Variants in NRF1 observed in about 807,000 individuals in gnomAD.
The protein encoded by NRF1 is nuclear respiratory factor 1, also known as alpha palindromic-binding protein.
NRF1 carries 5 observed loss-of-function variants against 58.5 expected under a neutral mutation model. The observed-to-expected ratio is 0.09, with a 90% confidence interval of 0.04 to 0.18. The LOEUF is 0.18. NRF1 is among the 10% of genes least tolerant of loss of function. The probability of loss-of-function intolerance (pLI) is 1.00; values close to 1 mark genes in which losing one functional copy is unlikely to be tolerated. For synonymous variants in NRF1, 224 were observed against 246.7 expected (o/e 0.91, Z 0.86); for missense variants, 288 against 657.7 (o/e 0.44, Z 6.15).
chr7:129,692,644 T>C (rs983690318), intron 5 of NRF1, among the ~76,000 whole-genome samples: 1 of 152,208 alleles, frequency 6.6e-6, no homozygotes, highest in African/African-American at 2.4e-5. Context: ...AGCCCTGTAA[T>C]GGTTTTCCAC....
At chr7:129,747,576 C>G (rs977432417) in intron 10 of NRF1, among the ~76,000 whole-genome samples, 4 of 152,158 alleles carry the variant, frequency 2.6e-5, no homozygotes, top group African/African-American at 9.7e-5. Context: ...GTGCCAAGCA[C>G]TGTAATAGAT....
At chr7:129,730,241 T>A (rs948022585) in intron 10 of NRF1, among the ~76,000 whole-genome samples, 2 of 152,090 alleles carry the variant, frequency 1.3e-5, no homozygotes, top group African/African-American at 2.4e-5. Context: ...CTCTGGCTGG[T>A]CTCAAACTCT....
At chr7:129,646,533 A>G (rs1025873446) in intron 1 of NRF1, among the ~76,000 whole-genome samples, 2 of 152,156 alleles carry the variant, frequency 1.3e-5, no homozygotes, top group African/African-American at 4.8e-5. Flanking sequence ...CTGGAAGCTC[A>G]GAGAGGTCCT....
chr7:129,730,377 A>G (rs1470330139), intron 10 of NRF1, among the ~76,000 whole-genome samples: 1 of 152,150 alleles, frequency 6.6e-6, no homozygotes, highest in Non-Finnish European at 1.5e-5. Context: ...GAACCAGATG[A>G]TAGCAGAACA....
At chr7:129,700,513 T>C (rs1375368692) in intron 5 of NRF1, among the ~76,000 whole-genome samples, 2 of 152,214 alleles carry the variant, frequency 1.3e-5, no homozygotes, top group Non-Finnish European at 2.9e-5. Flanking sequence ...TTCTCCATAC[T>C]GTAGTGTCAG....
chr7:129,625,898 G>C (rs1053279455), intron 1 of NRF1, among the ~76,000 whole-genome samples: 2 of 152,046 alleles, frequency 1.3e-5, no homozygotes, highest in South Asian at 2.1e-4. Context: ...TAGCCAGGAT[G>C]GTCTTGATTT....
chr7:129,731,271 G>GAA (rs10708899), intron 10 of NRF1, among the ~76,000 whole-genome samples: 3 of 122,888 alleles, frequency 2.4e-5, no homozygotes, highest in Admixed American at 1.7e-4. Context: ...ACTCCGTCTT[G>GAA]AAAAAAAAAA....
chr7:129,753,170 T>A (rs1804164054), intron 10 of NRF1, among the ~76,000 whole-genome samples: 1 of 152,204 alleles, frequency 6.6e-6, no homozygotes. Context: ...TTGACAACCC[T>A]TTTTAAAATA....
rs151180787 is a variant in NRF1 at position 129,646,974 on chromosome 7, A to T, written c.-6-10372A>T. The stretch of plus-strand genomic sequence containing the variant: ...ATCATTTATCAAAGAGCACATTATG[A>T]TAGATCTATTCATAGAGACTTTATG... On this transcript the variant is annotated intron_variant, in intron 1 of 10. Coordinates refer to ENST00000393232, the MANE Select transcript of NRF1 (RefSeq NM_005011.5). Among the ~76,000 whole-genome samples, 18 of 152,338 alleles carry T rather than the reference A, an allele frequency of 1.2e-4. No homozygotes were observed. In the East Asian group the frequency reaches 3.5e-3, roughly 29 times the overall value.
rs549808112 is a variant in NRF1 at position 129,635,604 on chromosome 7, A to G, written c.-6-21742A>G. ...GGTATGTATCCAAATGACCTAAGAC[A>G]GTCTTCCTAATAAACACTTTTGGAC... On this transcript the variant is annotated intron_variant, in intron 1 of 10. Coordinates refer to ENST00000393232, the MANE Select transcript of NRF1 (RefSeq NM_005011.5). 3.3e-5 allele frequency among the ~76,000 whole-genome samples: 5 copies of G among 152,316 alleles called. No individual in the cohort carries two copies. The South Asian group carries it at 8.3e-4, about 25-fold the overall frequency.
At chr7:129,700,240 T>C (rs1233999964) in intron 5 of NRF1, among the ~76,000 whole-genome samples, 3 of 152,212 alleles carry the variant, frequency 2.0e-5, no homozygotes, top group African/African-American at 7.2e-5. Context: ...AATGTTATGT[T>C]ATGTGTATTT....
chr7:129,702,226 A>C (rs1802841943), intron 5 of NRF1, among the ~76,000 whole-genome samples: 1 of 152,192 alleles, frequency 6.6e-6, no homozygotes, highest in Non-Finnish European at 1.5e-5. Flanking sequence ...TCTCCTTCAA[A>C]GAGAAGGTAG....
chr7:129,734,751 A>G (rs144679630), intron 10 of NRF1, among the ~76,000 whole-genome samples: 2 of 152,298 alleles, frequency 1.3e-5, no homozygotes, highest in Non-Finnish European at 1.5e-5. Context: ...TGTCTTCTTG[A>G]CTGGAGTTGG....
intron 5 of NRF1, among the ~76,000 whole-genome samples, chr7:129,707,627 G>T (rs150739827): frequency 5.9e-5 from 9 of 152,148 alleles, no homozygotes; most frequent in Non-Finnish European, 1.3e-4. Context: ...AGTAATGACC[G>T]CATGAGCCAG....
chr7:129,721,132 T>C (rs1803312596), intron 9 of NRF1, among the ~76,000 whole-genome samples: 1 of 152,182 alleles, frequency 6.6e-6, no homozygotes, highest in African/African-American at 2.4e-5. Context: ...ATTTGAACTT[T>C]CAGTTCTTTG....
At chr7:129,712,594 G>A (rs1358786968) in intron 8 of NRF1, among the ~76,000 whole-genome samples, 1 of 152,232 alleles carries the variant, frequency 6.6e-6, no homozygotes, top group Non-Finnish European at 1.5e-5. Context: ...CTGCAGCTGT[G>A]TGGAGTTGAT....
chr7:129,702,203 A>G (rs10954252), intron 5 of NRF1, among the ~76,000 whole-genome samples: 72,690 of 151,884 alleles, frequency 0.48, 17,761 homozygotes, highest in Non-Finnish European at 0.54. Context: ...GGTAACAGAA[A>G]CTAACCAAAC....
intron 2 of NRF1, among the ~76,000 whole-genome samples, chr7:129,665,728 GATCCTCCCACCTCATCCTC>G (rs1801905149): frequency 6.6e-6 from 1 of 152,024 alleles, no homozygotes; most frequent in Admixed American, 6.6e-5. Flanking sequence ...GGGCTCAGAT[GATCCTCCCACCTCATCCTC>G]GTGGACAGGT....
intron 1 of NRF1, among the ~76,000 whole-genome samples, chr7:129,655,465 TC>T (rs1801632103): frequency 6.6e-6 from 1 of 152,090 alleles, no homozygotes; most frequent in Non-Finnish European, 1.5e-5. Flanking sequence ...AGTTAAGACT[TC>T]CAGTACAATG....
Sources: allele counts gnomAD v4.1 joint callset (sites outside exome capture counted in the v4.1 genomes callset), GRCh38; gene constraint gnomAD v4.1.1; transcripts MANE v1.5; gene names NCBI Gene and HGNC (gene_info 2026-07-23, HGNC 2026-07-21).